TMEM239: variants seen among roughly 807,000 people sequenced by gnomAD.
The protein encoded by TMEM239 is transmembrane protein 239.
In TMEM239, 10 loss-of-function variants were observed where a neutral mutation model predicts 14.6. The ratio of observed to expected loss-of-function variants is 0.68; its 90% confidence interval spans 0.42 to 1.16. The LOEUF is 1.16. Among genes scored for constraint, TMEM239 ranks in the 50% most tolerant of loss-of-function variants. The pLI, the probability that TMEM239 is intolerant of heterozygous loss-of-function variation, is 0.00. For synonymous variants in TMEM239, 94 were observed against 89.9 expected, an observed-to-expected ratio of 1.05 and a Z score of -0.26; for missense variants, 183 against 194.4, an observed-to-expected ratio of 0.94 and a Z score of 0.35.
chr20:2,817,310 G>T lies in TMEM239; in HGVS notation c.*297G>T. 2.9e-5 allele frequency: 16 copies of T among 556,820 alleles called. No individual in the cohort carries two copies. Among genetic ancestry groups the T allele is most frequent in the Admixed American group, 9.6e-5 (3 of 31,184 alleles). The allele number at this position is 556,820 out of a possible 1,614,324, so 34.5% of individuals were successfully genotyped here. A position where few individuals can be genotyped will look rare whatever the true frequency, so the allele number is the denominator to read the frequency against. ...ACCAAGCCACTGATAGCGCCCATATGGATGTGATGATACCCGTGGGGCCCC... is the reference window on the plus strand; with the variant it reads ...ACCAAGCCACTGATAGCGCCCATATTGATGTGATGATACCCGTGGGGCCCC... On this transcript the variant is annotated 3_prime_UTR_variant, in exon 2 of 2. Transcript: ENST00000380585.
In TMEM239 at chr20:2,817,104, C is replaced by T; in HGVS notation, c.*91C>T. 6.8e-7 allele frequency: 1 copy of T among 1,473,040 alleles called. No individual in the cohort carries two copies. The highest frequency in any genetic ancestry group is 9.0e-7 in the Non-Finnish European group (1 of 1,108,050). The allele number at this position is 1,473,040 out of a possible 1,614,324, so 91.2% of individuals were successfully genotyped here. A position where few individuals can be genotyped will look rare whatever the true frequency, so the allele number is the denominator to read the frequency against. On this transcript the variant is annotated 3_prime_UTR_variant, in exon 2 of 2. Coordinates refer to ENST00000380585, the MANE Select transcript of TMEM239 (RefSeq NM_001167670.3). ...GAGAGGGAGGGCAATGGGATCAGGG[C>T]TCCCTGCCTTGGCAGGGCCCAGACC...
At chr20:2,818,243 G>GC (rs1350709637), downstream of TMEM239, 3 of 152,198 alleles carry the variant, frequency 2.0e-5, no homozygotes. Context: ...CTGAATGCTG[G>GC]CCGTTCGTTC....
At position 2,817,439 on chromosome 20, in the gene TMEM239, A is replaced by G. The variant is rs1276400090; in HGVS notation, c.*426A>G. ...TACCACTGGCCTTGCCATTCCTCCC[A>G]CCAATCCCCTCTTTCCACTTCCAGG... is the stretch of plus-strand genomic sequence containing the variant. On this transcript the variant is annotated 3_prime_UTR_variant, in exon 2 of 2. Transcript: ENST00000380585. 2.2e-5 allele frequency: 6 copies of G among 276,568 alleles called. No individual in the cohort carries two copies. Among genetic ancestry groups the G allele is most frequent in the Middle Eastern group, 1.1e-3 (1 of 908 alleles). The allele number at this position is 276,568 out of a possible 1,614,324, so 17.1% of individuals were successfully genotyped here. A position where few individuals can be genotyped will look rare whatever the true frequency, so the allele number is the denominator to read the frequency against.
At chr20:2,816,294 C>G, upstream of TMEM239, 1 of 1,520,694 alleles carries the variant, frequency 6.6e-7, no homozygotes, top group Non-Finnish European at 8.8e-7. Context: ...CCCACCCCAG[C>G]CCGGGTCACA....
upstream of TMEM239, among the ~76,000 whole-genome samples, chr20:2,816,117 C>T (rs2088665495): frequency 6.6e-6 from 1 of 152,140 alleles, no homozygotes; most frequent in Non-Finnish European, 1.5e-5. Context: ...GGATATCAGC[C>T]AGCAGGGAAA....
At chr20:2,816,446 A>G (rs1390564953) in intron 1 of TMEM239, 31 bp downstream of exon 1, 1 of 1,528,172 alleles carries the variant, frequency 6.5e-7, no homozygotes, top group Non-Finnish European at 8.7e-7. Context: ...CTGTAGCCCC[A>G]CCCCACGCAC....
chr20:2,817,377 G>A lies in TMEM239; in HGVS notation c.*364G>A, dbSNP rs1257304037. On this transcript the variant is annotated 3_prime_UTR_variant, in exon 2 of 2. Coordinates refer to ENST00000380585, the MANE Select transcript of TMEM239 (RefSeq NM_001167670.3). ...ATCTTTTTCTCATAGCCACTCAGCTGTCTCAGCTTCAGACTCACTGAGAAC... is the reference window on the plus strand; with the variant it reads ...ATCTTTTTCTCATAGCCACTCAGCTATCTCAGCTTCAGACTCACTGAGAAC... 2.3e-6 allele frequency: 1 copy of A among 444,038 alleles called. No homozygotes were observed. The highest frequency in any genetic ancestry group is 3.9e-5 in the Admixed American group (1 of 25,792). The allele number at this position is 444,038 out of a possible 1,614,324, so 27.5% of individuals were successfully genotyped here.
Position 2,816,500 on chromosome 20 carries a change from C to CCCCCCCCCCCCCCCCCCCCG in TMEM239, c.-11-41_-11-40insCCCCCCCCCCCCCCCCGCCC. On this transcript the variant is annotated intron_variant, in intron 1 of 1. Coordinates refer to ENST00000380585, the MANE Select transcript of TMEM239 (RefSeq NM_001167670.3). ...CCTGCACCCCCTCTCTGCCCCCCCCCCCCAAGGTCCCAGGCATCTTCAAGA... is the reference window on the plus strand; with the variant it reads ...CCTGCACCCCCTCTCTGCCCCCCCCCCCCCCCCCCCCCCCCCCCCGCCCAAGGTCCCAGGCATCTTCAAGA... 2.0e-6 allele frequency: 3 copies of CCCCCCCCCCCCCCCCCCCCG among 1,526,734 alleles called. No individual in the cohort carries two copies. In the South Asian group the frequency reaches 3.6e-5, roughly 18 times the overall value. 94.6% of individuals were successfully genotyped at this position (1,526,734 alleles called of 1,614,324 possible).
In TMEM239 at chr20:2,816,449, C is replaced by A. The variant is rs961307975; in HGVS notation, c.-12+34C>A. 9 of 1,535,126 alleles carry A rather than the reference C, an allele frequency of 5.9e-6. No homozygotes were observed. The African/African-American group carries it at 9.6e-5, about 16-fold the overall frequency. On this transcript the variant is annotated intron_variant, in intron 1 of 1. Transcript: ENST00000380585. The stretch of plus-strand genomic sequence containing the variant: ...CAGTCCCTAATTCTGTAGCCCCACC[C>A]CACGCACACTGGTGCCCTCCTGACC...
rs958529874 is a variant in TMEM239, at chr20:2,817,791, T to A, written c.*778T>A. 1 of 152,330 alleles carries A rather than the reference T, an allele frequency of 6.6e-6. No individual in the cohort carries two copies. The highest frequency in any genetic ancestry group is 6.5e-5 in the Admixed American group (1 of 15,284). 9.4% of individuals were successfully genotyped at this position (152,330 alleles called of 1,614,324 possible). A position where few individuals can be genotyped will look rare whatever the true frequency, so the allele number is the denominator to read the frequency against. ...GCCTCAATGTTACGTGGGCCACTTC[T>A]GTCATGGGGTTGTTGTGAGTCAAAG... On this transcript the variant is annotated 3_prime_UTR_variant, in exon 2 of 2. Coordinates refer to ENST00000380585, the MANE Select transcript of TMEM239 (RefSeq NM_001167670.3).
At chr20:2,815,824 T>C (rs773471092), upstream of TMEM239, 25 of 1,491,978 alleles carry the variant, frequency 1.7e-5, no homozygotes, top group Non-Finnish European at 2.3e-5. Context: ...ATGACCACCC[T>C]TCTTCATCAG....
Position 2,816,393 on chromosome 20 carries a change from A to G in TMEM239, c.-34A>G. 2.0e-6 allele frequency: 3 copies of G among 1,535,854 alleles called. No homozygotes were observed. The highest frequency in any genetic ancestry group is 2.6e-6 in the Non-Finnish European group (3 of 1,146,840). ...CGTCCTGGGCGCTGCAGGAAGCAACATGACTTAGGTAACTGCCCAGAGGTA... is the reference window on the plus strand; with the variant it reads ...CGTCCTGGGCGCTGCAGGAAGCAACGTGACTTAGGTAACTGCCCAGAGGTA... On this transcript the variant is annotated 5_prime_UTR_variant, in exon 1 of 2. An upstream start codon of the reference 5' UTR is lost. Transcript: ENST00000380585.
At chr20:2,818,195 C>T (rs2088698400), downstream of TMEM239, 1 of 152,228 alleles carries the variant, frequency 6.6e-6, no homozygotes, top group Non-Finnish European at 1.5e-5. Context: ...GCCGCTCAGG[C>T]ACCAGAAGGG....
Position 2,816,961 on chromosome 20 carries a change from G to A in TMEM239, c.407G>A (p.Gly136Asp). Reference protein sequence around the residue: ...LLFSTLLSLVGLLTSMTHPGD... With the variant: ...LLFSTLLSLVDLLTSMTHPGD... ...TTCTCCACACTGCTGAGCCTTGTGGGCCTCCTCACCTCCATGACTCACCCA... is the reference window on the plus strand; with the variant it reads ...TTCTCCACACTGCTGAGCCTTGTGGACCTCCTCACCTCCATGACTCACCCA... The change falls in exon 2 of 2, where the codon GGC becomes GAC. Residue 136 changes from glycine to aspartate, a missense_variant. Coordinates refer to ENST00000380585, the MANE Select transcript of TMEM239 (RefSeq NM_001167670.3). 1 of 1,538,144 alleles carries A rather than the reference G, an allele frequency of 6.5e-7. No individual in the cohort carries two copies. The highest frequency in any genetic ancestry group is 1.2e-5 in the South Asian group (1 of 84,066).
chr20:2,817,426 T>TTTTTAATGATACG lies in TMEM239; in HGVS notation c.*413_*414insTTTTAATGATACG. On this transcript the variant is annotated 3_prime_UTR_variant, in exon 2 of 2. Transcript: ENST00000380585. ...ACTTCTACCTGGGTACCACTGGCCTTGCCATTCCTCCCACCAATCCCCTCT... is the reference window on the plus strand; with the variant it reads ...ACTTCTACCTGGGTACCACTGGCCTTTTTTAATGATACGGCCATTCCTCCCACCAATCCCCTCT... 3.3e-6 allele frequency: 1 copy of TTTTTAATGATACG among 303,312 alleles called. No homozygotes were observed. The highest frequency in any genetic ancestry group is 4.6e-5 in the Admixed American group (1 of 21,822). 18.8% of individuals were successfully genotyped at this position (303,312 alleles called of 1,614,324 possible).
upstream of TMEM239, chr20:2,816,346 G>T (rs1290547525): frequency 8.5e-6 from 13 of 1,535,946 alleles, no homozygotes; most frequent in Non-Finnish European, 1.1e-5. Context: ...TGAGAGTGGG[G>T]ACTTGGATCT....
upstream of TMEM239, chr20:2,815,897 C>A: frequency 1.3e-6 from 1 of 789,892 alleles, no homozygotes; most frequent in Non-Finnish European, 2.1e-6. Context: ...CAGCCTGAAC[C>A]TCACAGTCCT....
chr20:2,816,308 G>A (rs529555056), upstream of TMEM239: 210 of 1,533,364 alleles, frequency 1.4e-4, no homozygotes, highest in African/African-American at 2.4e-3. Flanking sequence ...GGTCACAAAG[G>A]GGCTCCTCTG....
chr20:2,815,840 C>T, upstream of TMEM239: 1 of 1,331,352 alleles, frequency 7.5e-7, no homozygotes, highest in Non-Finnish European at 1.0e-6. Context: ...ATCAGGCCCC[C>T]TTTTCTCCTT....
Sources: gnomAD v4.1 joint callset for allele counts (sites outside exome capture counted in the v4.1 genomes callset) on GRCh38, gnomAD v4.1.1 for gene constraint, MANE v1.5 for transcripts, NCBI Gene and HGNC (gene_info 2026-07-23, HGNC 2026-07-21) for gene names.